The following ENAH variants were observed in gnomAD, a reference collection of about 807,000 sequenced individuals.
ENAH encodes the protein protein enabled homolog.
Under a neutral mutation model 78.7 loss-of-function variants are expected in ENAH, and 23 were observed. The ratio of observed to expected loss-of-function variants is 0.29; its 90% CI spans 0.21 to 0.41. The LOEUF (loss-of-function observed/expected upper bound fraction) is 0.41. ENAH is among the 10% of genes least tolerant of loss of function. The pLI is 1.00. For synonymous variants in ENAH, 226 were observed against 241.0 expected (o/e 0.94, Z 0.58); for missense variants, 544 against 691.0 (o/e 0.79, Z 2.39).
intron 1 of ENAH, among the ~76,000 whole-genome samples, chr1:225,627,652 T>C (rs1484050587): frequency 6.6e-6 from 1 of 152,214 alleles, no homozygotes; most frequent in Non-Finnish European, 1.5e-5. Flanking sequence ...CCATACTTAA[T>C]ACTAAATTAT....
At chr1:225,647,469 G>C (rs1317420356) in intron 1 of ENAH, among the ~76,000 whole-genome samples, 1 of 152,114 alleles carries the variant, frequency 6.6e-6, no homozygotes, top group East Asian at 1.9e-4. Context: ...CCACTTCCAA[G>C]CTCTGTGTTA....
intron 4 of ENAH, among the ~76,000 whole-genome samples, chr1:225,521,954 C>CT (rs1165668249): frequency 6.6e-6 from 1 of 152,072 alleles, no homozygotes; most frequent in Non-Finnish European, 1.5e-5. Flanking sequence ...CGCCACCATG[C>CT]CCGGCTAATT....
At chr1:225,567,226 C>T (rs376826090) in intron 2 of ENAH, 23 bp downstream of exon 2, 1 of 1,600,874 alleles carries the variant, frequency 6.2e-7, no homozygotes, top group Non-Finnish European at 8.5e-7. Flanking sequence ...TCATTTTTAA[C>T]AACAATTGTA....
chr1:225,567,805 A>G (rs1215184237), intron 1 of ENAH, among the ~76,000 whole-genome samples: 4 of 152,208 alleles, frequency 2.6e-5, no homozygotes, highest in Non-Finnish European at 5.9e-5. Context: ...CCAACCTAAT[A>G]CAAGTGTAAA....
chr1:225,625,153 T>C (rs1209490765), intron 1 of ENAH, among the ~76,000 whole-genome samples: 3 of 152,166 alleles, frequency 2.0e-5, no homozygotes, highest in African/African-American at 7.2e-5. Context: ...TCAAAAGATA[T>C]GAAAAATCCT....
chr1:225,608,705 A>T (rs1339309161), intron 1 of ENAH, among the ~76,000 whole-genome samples: 1 of 150,950 alleles, frequency 6.6e-6, no homozygotes, highest in Non-Finnish European at 1.5e-5. Flanking sequence ...AATCCCAACC[A>T]CTCAGGAGGC....
chr1:225,522,138 G>C (rs1335152809), intron 4 of ENAH, among the ~76,000 whole-genome samples: 1 of 152,148 alleles, frequency 6.6e-6, no homozygotes, highest in East Asian at 1.9e-4. Flanking sequence ...GGACTTTCTG[G>C]ACTGGCTAAT....
chr1:225,591,975 A>C (rs1575640133), intron 1 of ENAH, among the ~76,000 whole-genome samples: 3 of 152,208 alleles, frequency 2.0e-5, no homozygotes, highest in Admixed American at 2.0e-4. Flanking sequence ...GTTTTTATTT[A>C]GCCTCATTAA....
chr1:225,551,549 G>T (rs573382551), intron 3 of ENAH, among the ~76,000 whole-genome samples: 2 of 152,218 alleles, frequency 1.3e-5, no homozygotes, highest in African/African-American at 4.8e-5. Flanking sequence ...CATCTCAGTG[G>T]TTGCGGATCC....
chr1:225,594,510 A>C (rs1001065660), intron 1 of ENAH, among the ~76,000 whole-genome samples: 12 of 152,124 alleles, frequency 7.9e-5, no homozygotes, highest in African/African-American at 2.9e-4. Context: ...TCTAGGAGGG[A>C]GGTCTCCAAG....
At chr1:225,623,611 A>T (rs1389369843) in intron 1 of ENAH, among the ~76,000 whole-genome samples, 1 of 138,370 alleles carries the variant, frequency 7.2e-6, no homozygotes, top group African/African-American at 2.7e-5. Context: ...TTTGAGACGG[A>T]GTCTTGCTCT....
chr1:225,501,119 A>C, intron 11 of ENAH, 49 bp from the exon 12 acceptor site: 1 of 1,423,656 alleles, frequency 7.0e-7, no homozygotes, highest in Non-Finnish European at 9.8e-7. Flanking sequence ...CTTAATACTT[A>C]ATGAGTTCAT....
chr1:225,593,222 T>C (rs541982142), intron 1 of ENAH, among the ~76,000 whole-genome samples: 16 of 152,278 alleles, frequency 1.1e-4, no homozygotes, highest in South Asian at 8.3e-4. Flanking sequence ...AGGAGTTTCA[T>C]AGTTCACATT....
chr1:225,579,104 C>A (rs2096801885), intron 1 of ENAH, among the ~76,000 whole-genome samples: 1 of 152,100 alleles, frequency 6.6e-6, no homozygotes, highest in Admixed American at 6.6e-5. Context: ...AATGGAGACA[C>A]AAGAAGTGAA....
chr1:225,559,841 C>G (rs986822478), intron 2 of ENAH, among the ~76,000 whole-genome samples: 1 of 152,188 alleles, frequency 6.6e-6, no homozygotes, highest in Non-Finnish European at 1.5e-5. Context: ...CCCCAACTCA[C>G]GCCTTCTACA....
chr1:225,621,754 C>G (rs1011963237), intron 1 of ENAH, among the ~76,000 whole-genome samples: 10 of 152,174 alleles, frequency 6.6e-5, no homozygotes, highest in Non-Finnish European at 1.2e-4. Context: ...AAATCCCAAG[C>G]AGTCACTCCT....
rs572186384 is a variant in ENAH, at chr1:225,511,272, T to C, written c.1471+539A>G. On this transcript the variant is annotated intron_variant, in intron 10 of 13. Transcript: ENST00000366843. ...AATATGTAATGAGTTCGTATTCTCA[T>C]CTTGGATACAGTACTCATCAAGTAC... 2.3e-3 allele frequency among the ~76,000 whole-genome samples: 355 copies of C among 152,340 alleles called. 1 individual carries two copies. The highest frequency in any genetic ancestry group is 6.8e-3 in the Middle Eastern group (2 of 294).
chr1:225,518,722 A>G (rs1421446692), intron 5 of ENAH, among the ~76,000 whole-genome samples: 3 of 152,342 alleles, frequency 2.0e-5, no homozygotes, highest in Non-Finnish European at 2.9e-5. Context: ...TCATAATACT[A>G]GAAAGCATAT....
chr1:225,609,539 C>T (rs2096976290), intron 1 of ENAH, among the ~76,000 whole-genome samples: 1 of 149,576 alleles, frequency 6.7e-6, no homozygotes. Context: ...AAAATTGAAA[C>T]AGTCAAAAAA....
Sources: gnomAD v4.1 joint callset for allele counts (sites outside exome capture counted in the v4.1 genomes callset) on GRCh38, gnomAD v4.1.1 for gene constraint, MANE v1.5 for transcripts, NCBI Gene and HGNC (gene_info 2026-07-23, HGNC 2026-07-21) for gene names.